Variants in TMEM143 observed in about 807,000 individuals in gnomAD.
TMEM143 encodes the protein transmembrane protein 143.
TMEM143 carries 45 observed loss-of-function variants against 40.3 expected under a neutral mutation model. The ratio of observed to expected loss-of-function variants is 1.12; its 90% CI spans 0.88 to 1.43. The LOEUF (loss-of-function observed/expected upper bound fraction) is 1.43. Among genes scored for constraint, TMEM143 ranks in the 40% most tolerant of loss-of-function variants. The pLI, the probability that TMEM143 is intolerant of heterozygous loss-of-function variation, is 0.00. For missense variants in TMEM143, 620 were observed against 613.4 expected, an observed-to-expected ratio of 1.01 and a Z score of -0.11; for synonymous variants, 299 against 282.7, an observed-to-expected ratio of 1.06 and a Z score of -0.58.
chr19:48,337,791 C>T lies in TMEM143; in HGVS notation c.976-3594G>A, dbSNP rs200764494. 1.3e-4 allele frequency among the ~76,000 whole-genome samples: 20 copies of T among 152,278 alleles called. No homozygotes were observed. The East Asian group carries it at 3.7e-3, about 28-fold the overall frequency. Reference sequence around the variant, plus strand: ...TGGACTGTACCCTCTTCTCACCAGGCCAGCACAGTCAGTTTAGGTGCCTGC... The same window carrying T: ...TGGACTGTACCCTCTTCTCACCAGGTCAGCACAGTCAGTTTAGGTGCCTGC... On this transcript the variant is annotated intron_variant, in intron 6 of 7. Transcript: ENST00000293261.
At chr19:48,343,672 A>G (rs192039523) in intron 4 of TMEM143, among the ~76,000 whole-genome samples, 7 of 152,310 alleles carry the variant, frequency 4.6e-5, no homozygotes, top group African/African-American at 1.4e-4. Context: ...CATCTTTACC[A>G]TATTTCCTAG....
intron 3 of TMEM143, among the ~76,000 whole-genome samples, chr19:48,352,899 A>G (rs1284129300): frequency 1.3e-5 from 2 of 152,072 alleles, no homozygotes; most frequent in Non-Finnish European, 2.9e-5. Context: ...TTACAGGCAT[A>G]AGCCACTGTG....
At chr19:48,359,836 G>A (rs912792655) in intron 3 of TMEM143, 4 of 474,862 alleles carry the variant, frequency 8.4e-6, no homozygotes, top group Non-Finnish European at 1.5e-5. Flanking sequence ...TCACTACTCC[G>A]CCTCATTGTT....
intron 6 of TMEM143, among the ~76,000 whole-genome samples, 168 bp downstream of exon 6, chr19:48,342,362 G>A (rs1260126189): frequency 1.6e-5 from 1 of 63,904 alleles, no homozygotes; most frequent in African/African-American, 5.8e-5. Flanking sequence ...GAAGGACAGG[G>A]AGGGAAGGGA....
chr19:48,335,802 G>C (rs892594515), intron 6 of TMEM143, among the ~76,000 whole-genome samples: 1 of 152,128 alleles, frequency 6.6e-6, no homozygotes, highest in Non-Finnish European at 1.5e-5. Context: ...GCTGAAGCAG[G>C]AGAATCACCT....
intron 1 of TMEM143, 67 bp from the exon 2 acceptor site, chr19:48,363,598 G>A: frequency 2.6e-6 from 4 of 1,528,760 alleles, no homozygotes; most frequent in Non-Finnish European, 2.6e-6. Flanking sequence ...CCACCTCCAC[G>A]TCCCACCCTC....
In TMEM143 at chr19:48,345,156, G is replaced by C; in HGVS notation, c.564+4C>G. On this transcript the variant is annotated splice_donor_region_variant and intron_variant, in intron 4 of 7. Coordinates refer to ENST00000293261, the MANE Select transcript of TMEM143 (RefSeq NM_018273.4). ...GAGTTTTGTTCTCCTAGGGAGCCAA[G>C]TACCTGGACCTCATCCTGAGGGTGG... 6.2e-7 allele frequency: 1 copy of C among 1,612,394 alleles called. No homozygotes were observed. Among genetic ancestry groups the C allele is most frequent in the Non-Finnish European group, 8.5e-7 (1 of 1,179,178 alleles).
chr19:48,342,515 C>A lies in TMEM143; in HGVS notation c.975+15G>T. ...CAGCGCAGGGCCGCAGGAGGCGTGGCAGGCGCATGCTCACCTTGGAGGCCC... is the reference window on the plus strand; with the variant it reads ...CAGCGCAGGGCCGCAGGAGGCGTGGAAGGCGCATGCTCACCTTGGAGGCCC... On this transcript the variant is annotated intron_variant, in intron 6 of 7. Coordinates refer to ENST00000293261, the MANE Select transcript of TMEM143 (RefSeq NM_018273.4). 1 of 1,591,696 alleles carries A rather than the reference C, an allele frequency of 6.3e-7. No homozygotes were observed. The highest frequency in any genetic ancestry group is 8.5e-7 in the Non-Finnish European group (1 of 1,171,446).
chr19:48,363,614 G>A, intron 1 of TMEM143, 83 bp from the exon 2 acceptor site: 1 of 1,509,830 alleles, frequency 6.6e-7, no homozygotes, highest in Non-Finnish European at 8.8e-7. Context: ...CCCTCCAGAA[G>A]CCGTCTCTAC....
chr19:48,345,118 A>C (rs538693480), intron 4 of TMEM143, 42 bp downstream of exon 4: 1 of 1,598,356 alleles, frequency 6.3e-7, no homozygotes. Flanking sequence ...GCCCCACCCT[A>C]GAGGCCTCCT....
intron 2 of TMEM143, among the ~76,000 whole-genome samples, chr19:48,362,713 T>C (rs1970078439): frequency 6.6e-6 from 1 of 152,168 alleles, no homozygotes; most frequent in African/African-American, 2.4e-5. Flanking sequence ...GTGCCCTACT[T>C]GCCTAACCCT....
intron 3 of TMEM143, among the ~76,000 whole-genome samples, chr19:48,350,142 A>G (rs73049205): frequency 0.21 from 31,905 of 151,076 alleles, 4,006 homozygotes; most frequent in Non-Finnish European, 0.29. Context: ...CTGGGATCAC[A>G]GGAGCCCGCT....
intron 2 of TMEM143, chr19:48,360,510 G>A (rs1365840362): frequency 7.6e-5 from 21 of 277,766 alleles, no homozygotes; most frequent in Admixed American, 1.7e-4. Flanking sequence ...CCAGGGAGGC[G>A]GAGGCTGCAG....
At chr19:48,343,056 G>T in intron 5 of TMEM143, 2 of 674,122 alleles carry the variant, frequency 3.0e-6, no homozygotes, top group South Asian at 2.0e-5. Flanking sequence ...CGCATCTTCA[G>T]AATGTGGACC....
chr19:48,334,585 C>CTT (rs200299138), intron 6 of TMEM143, among the ~76,000 whole-genome samples: 2 of 104,578 alleles, frequency 1.9e-5, no homozygotes, highest in Admixed American at 9.8e-5. Context: ...CTTTTCTTTC[C>CTT]TTTTTTTTTT....
chr19:48,361,490 T>G (rs1970039011), intron 2 of TMEM143, among the ~76,000 whole-genome samples: 1 of 151,806 alleles, frequency 6.6e-6, no homozygotes, highest in South Asian at 2.1e-4. Flanking sequence ...AGTGCTGGGA[T>G]TACTGGCGTG....
intron 3 of TMEM143, among the ~76,000 whole-genome samples, chr19:48,356,579 G>A (rs943327617): frequency 6.1e-5 from 9 of 146,908 alleles, no homozygotes; most frequent in East Asian, 4.0e-4. Context: ...ATAGACATGC[G>A]CTACCAGGCC....
Position 48,334,098 on chromosome 19 carries a change from G to C in TMEM143, c.1075C>G (p.Leu359Val), listed in dbSNP as rs1969284856. The change falls in exon 7 of 8, where the codon CTG becomes GTG. Residue 359 changes from leucine to valine, a missense_variant. Transcript: ENST00000293261. ...TTGGTGTGCTCGTCCTGCGCGCGCA[G>C]GGCCAGGGCGCTGAGCAGCTCCGAG... ...NNSELLSALA[L>V]RAQDEHTKEA... The C allele has an allele frequency of 6.3e-7, 1 of 1,596,094 alleles. No individual in the cohort carries two copies. The highest frequency in any genetic ancestry group is 1.3e-5 in the African/African-American group (1 of 74,650).
intron 6 of TMEM143, among the ~76,000 whole-genome samples, chr19:48,342,294 G>A (rs1284235717): frequency 7.0e-6 from 1 of 143,206 alleles, no homozygotes; most frequent in Non-Finnish European, 1.5e-5. Context: ...GAGGGAGGAA[G>A]GAAGGAAGGA....
Sources: gnomAD v4.1 joint callset for allele counts (sites outside exome capture counted in the v4.1 genomes callset) on GRCh38, gnomAD v4.1.1 for gene constraint, MANE v1.5 for transcripts, NCBI Gene and HGNC (gene_info 2026-07-23, HGNC 2026-07-21) for gene names.